Variants in TEX14 observed in about 807,000 individuals in gnomAD.
The protein encoded by TEX14 is testis expressed 14, intercellular bridge forming factor.
In TEX14, 168 loss-of-function variants were observed where a neutral mutation model predicts 178.6. The ratio of observed to expected loss-of-function variants is 0.94; its 90% CI spans 0.83 to 1.07. TEX14 has a LOEUF of 1.07. Among genes scored for constraint, TEX14 ranks in the 50% least tolerant of loss-of-function variants. The pLI is 0.00. For synonymous variants in TEX14, 626 were observed against 634.1 expected, an observed-to-expected ratio of 0.99 and a Z score of 0.19; for missense variants, 1,730 against 1,753.6, an observed-to-expected ratio of 0.99 and a Z score of 0.24.
chr17:58,561,913 C>T lies in TEX14; in HGVS notation c.4065-301G>A, dbSNP rs954686430. Among the ~76,000 whole-genome samples, 7 of 152,030 alleles carry T rather than the reference C, an allele frequency of 4.6e-5. No homozygotes were observed. The South Asian group carries it at 6.2e-4, about 14-fold the overall frequency. On this transcript the variant is annotated intron_variant, in intron 28 of 31. Coordinates refer to ENST00000349033, the MANE Select transcript of TEX14 (RefSeq NM_031272.5). The stretch of plus-strand genomic sequence containing the variant: ...CCACCCTGGCCAACACAGTCCAACC[C>T]CATCTCTACTACAAATACAAAAATC...
chr17:58,599,212 T>C lies in TEX14; in HGVS notation c.2133A>G (p.Glu711=), dbSNP rs759677972. Residue 711 remains glutamate (E), a synonymous_variant, in exon 14 of 32, where the codon GAA becomes GAG. Coordinates refer to ENST00000349033, the MANE Select transcript of TEX14 (RefSeq NM_031272.5). ...ACATGTTGTTCAAATTGCTCTTGGC[T>C]TCTCTGGTTGACTCAGGAAGGCTGA... ...SSLSLPESTR[E]AKSNLNNMST... 6.2e-7 allele frequency: 1 copy of C among 1,614,126 alleles called. No homozygotes were observed. Among genetic ancestry groups the C allele is most frequent in the South Asian group, 1.1e-5 (1 of 91,084 alleles).
At position 58,599,166 on chromosome 17, in the gene TEX14, T is replaced by C. The variant is rs746649830; in HGVS notation, c.2179A>G (p.Ile727Val). The change falls in exon 14 of 32, where the codon ATC (isoleucine) becomes GTC (valine). Residue 727 changes from isoleucine (I) to valine (V), a missense_variant. Coordinates refer to ENST00000349033, the MANE Select transcript of TEX14 (RefSeq NM_031272.5). ...TTTAGATCCAGCACACACTTACTGATGAGATACTCCTCAGTCGTGGACATG... is the reference window on the plus strand; with the variant it reads ...TTTAGATCCAGCACACACTTACTGACGAGATACTCCTCAGTCGTGGACATG... The part of the protein sequence containing the change: ...NNMSTTEEYL[I>V]SKCVLDLKIM... The C allele has an allele frequency of 3.9e-6, 6 of 1,546,482 alleles. No individual in the cohort carries two copies. Among genetic ancestry groups the C allele is most frequent in the Non-Finnish European group, 5.4e-6 (6 of 1,118,786 alleles).
At chr17:58,636,331 G>A (rs765760660) in intron 2 of TEX14, among the ~76,000 whole-genome samples, 28 of 152,178 alleles carry the variant, frequency 1.8e-4, no homozygotes, top group Non-Finnish European at 1.2e-4. Context: ...TGGCCGAAAA[G>A]GTTAAAAGAC....
In TEX14 at chr17:58,577,472, T is replaced by TA. The variant is rs1280457128; in HGVS notation, c.3239-17dup. 2.0e-6 allele frequency: 2 copies of TA among 1,016,992 alleles called. No homozygotes were observed. Among genetic ancestry groups the TA allele is most frequent in the South Asian group, 1.9e-5 (1 of 51,998 alleles). The allele number at this position is 1,016,992 out of a possible 1,614,324, so 63.0% of individuals were successfully genotyped here. ...TTTTCCTCACCTGAAAGAATAAAGT[T>TA]AAAAATATATATATATATTTTTTTT... On this transcript the variant is annotated splice_polypyrimidine_tract_variant and intron_variant, in intron 20 of 31. Coordinates refer to ENST00000349033, the MANE Select transcript of TEX14 (RefSeq NM_031272.5).
At chr17:58,638,854 CTTT>C (rs1210311633) in intron 2 of TEX14, among the ~76,000 whole-genome samples, 202 of 75,104 alleles carry the variant, frequency 2.7e-3, no homozygotes, top group African/African-American at 8.9e-3. Flanking sequence ...GACTATTATT[CTTT>C]TTTTTTTTTT....
At chr17:58,664,090 T>C (rs1201962406) in intron 1 of TEX14, among the ~76,000 whole-genome samples, 1 of 152,228 alleles carries the variant, frequency 6.6e-6, no homozygotes, top group Non-Finnish European at 1.5e-5. Context: ...CACTATTTAG[T>C]ACAATTGCTG....
chr17:58,650,119 G>A (rs544095520), intron 2 of TEX14, among the ~76,000 whole-genome samples: 1 of 151,974 alleles, frequency 6.6e-6, no homozygotes, highest in African/African-American at 2.4e-5. Context: ...GTGCAATGGT[G>A]TGATCTAGGC....
chr17:58,638,407 G>A (rs1171706643), intron 2 of TEX14, among the ~76,000 whole-genome samples: 2 of 152,000 alleles, frequency 1.3e-5, no homozygotes, highest in African/African-American at 2.4e-5. Flanking sequence ...TTGCAAAATC[G>A]TGGAACAAAC....
chr17:58,620,828 A>G (rs1196882245), intron 5 of TEX14, among the ~76,000 whole-genome samples: 1 of 149,786 alleles, frequency 6.7e-6, no homozygotes, highest in African/African-American at 2.4e-5. Flanking sequence ...CTGGATGCTG[A>G]GCAAAGAGCC....
At chr17:58,672,780 G>A (rs912571172) in intron 1 of TEX14, among the ~76,000 whole-genome samples, 3 of 151,926 alleles carry the variant, frequency 2.0e-5, no homozygotes, top group Non-Finnish European at 2.9e-5. Flanking sequence ...CACCCGGGCT[G>A]GAGTGCAATG....
Position 58,574,107 on chromosome 17 carries a change from C to T in TEX14, c.3383+80G>A, listed in dbSNP as rs956346149. The T allele has an allele frequency of 3.4e-6, 4 of 1,163,648 alleles. No individual in the cohort carries two copies. In the African/African-American group the frequency reaches 4.6e-5, roughly 13 times the overall value. The allele number at this position is 1,163,648 out of a possible 1,614,324, so 72.1% of individuals were successfully genotyped here. On this transcript the variant is annotated intron_variant, in intron 22 of 31. Transcript: ENST00000349033. Reference sequence around the variant, plus strand: ...GTCTACACGTAAAAATGGAAAGATCCTTACAAACAAGAATATACTATTCCC... The same window carrying T: ...GTCTACACGTAAAAATGGAAAGATCTTTACAAACAAGAATATACTATTCCC...
At chr17:58,656,570 A>T (rs529721747) in intron 1 of TEX14, among the ~76,000 whole-genome samples, 1 of 151,884 alleles carries the variant, frequency 6.6e-6, no homozygotes, top group Non-Finnish European at 1.5e-5. Flanking sequence ...CCTGACCAAC[A>T]TGGTGAAACC....
At chr17:58,691,229 T>C (rs1191857162) in intron 1 of TEX14, among the ~76,000 whole-genome samples, 5 of 152,204 alleles carry the variant, frequency 3.3e-5, no homozygotes, top group Non-Finnish European at 5.9e-5. Flanking sequence ...CCTTTTGGCA[T>C]GGCTATGGCC....
chr17:58,572,821 T>TA (rs1367317432), intron 23 of TEX14, among the ~76,000 whole-genome samples: 1 of 152,224 alleles, frequency 6.6e-6, no homozygotes, highest in Non-Finnish European at 1.5e-5. Flanking sequence ...GCTGGTTGCA[T>TA]ATGGTTGCAG....
chr17:58,610,179 A>T (rs556335320), intron 10 of TEX14, among the ~76,000 whole-genome samples: 1 of 152,330 alleles, frequency 6.6e-6, no homozygotes, highest in African/African-American at 2.4e-5. Context: ...TGCCTCTCTC[A>T]CTGTGCTGAG....
intron 28 of TEX14, among the ~76,000 whole-genome samples, chr17:58,563,624 TATATATA>T (rs1567988610): frequency 2.8e-3 from 9 of 3,206 alleles, no homozygotes; most frequent in African/African-American, 0.015. Flanking sequence ...CTCTAATTTA[TATATATA>T]TATATATATA....
At chr17:58,662,177 C>T (rs958459655) in intron 1 of TEX14, among the ~76,000 whole-genome samples, 13 of 150,496 alleles carry the variant, frequency 8.6e-5, no homozygotes, top group African/African-American at 9.7e-5. Context: ...AGTGGCCAGG[C>T]GCGGTGGCTC....
chr17:58,573,228 G>C lies in TEX14; in HGVS notation c.3464C>G (p.Pro1155Arg). The change falls in exon 23 of 32, where the codon CCC becomes CGC. Residue 1155 changes from proline (P) to arginine (R), a missense_variant. Pro to Arg is a moderately radical substitution (Grantham distance 103). This residue lies in a region of TEX14 where 941 missense variants were observed against 1,072.4 expected (regional missense o/e 0.88). Transcript: ENST00000349033. Reference sequence around the variant, plus strand: ...ACTGGTAGGTGCATGGTTTATTTTGGGTGTTTTGCATGAAGCTTCCTTAAA... The same window carrying C: ...ACTGGTAGGTGCATGGTTTATTTTGCGTGTTTTGCATGAAGCTTCCTTAAA... ...SSFKEASCKT[P>R]KINHAPTSVS... The C allele has an allele frequency of 6.2e-7, 1 of 1,614,126 alleles. No homozygotes were observed.
At chr17:58,670,756 G>C (rs1261387028) in intron 1 of TEX14, among the ~76,000 whole-genome samples, 10 of 104,610 alleles carry the variant, frequency 9.6e-5, no homozygotes, top group Middle Eastern at 0.014. Context: ...CTGGGCGACA[G>C]AGTGAGACTC....
Sources: allele counts gnomAD v4.1 joint callset (sites outside exome capture counted in the v4.1 genomes callset), GRCh38; gene constraint gnomAD v4.1.1; regional missense constraint gnomAD v4.1.1; transcripts MANE v1.5; gene names NCBI Gene and HGNC (gene_info 2026-07-23, HGNC 2026-07-21).